GPHN: variants seen among roughly 807,000 people sequenced by gnomAD.
GPHN encodes gephyrin.
Under a neutral mutation model 95.5 loss-of-function variants are expected in GPHN, and 17 were observed. The ratio of observed to expected loss-of-function variants is 0.18; its 90% CI spans 0.12 to 0.27. The LOEUF is 0.27. GPHN is among the 10% of genes least tolerant of loss of function. The pLI, the probability that GPHN is intolerant of heterozygous loss-of-function variation, is 1.00. For missense variants in GPHN, 660 were observed against 978.1 expected (o/e 0.67, Z 4.34); for synonymous variants, 320 against 322.5 (o/e 0.99, Z 0.08).
the GPHN span, chr14:67,359,592 G>C: frequency 6.3e-7 from 1 of 1,575,404 alleles, no homozygotes; most frequent in African/African-American, 1.3e-5. Flanking sequence ...GTGGCCCAGG[G>C]TCTGAAGGGA....
chr14:66,611,826 A>G (rs1015883830), intron 1 of GPHN, among the ~76,000 whole-genome samples: 6 of 152,130 alleles, frequency 3.9e-5, no homozygotes, highest in African/African-American at 1.4e-4. Context: ...CATCATTATC[A>G]GTTAGAGAGA....
At chr14:67,004,649 T>G (rs2072477604) in intron 9 of GPHN, among the ~76,000 whole-genome samples, 2 of 151,712 alleles carry the variant, frequency 1.3e-5, no homozygotes, top group Admixed American at 6.6e-5. Flanking sequence ...TAGTCATGAG[T>G]GAGTTATTTT....
the GPHN span, among the ~76,000 whole-genome samples, chr14:67,513,480 T>C: frequency 6.6e-6 from 1 of 152,194 alleles, no homozygotes; most frequent in African/African-American, 2.4e-5. Context: ...TACCTATAAG[T>C]GGCCAAAATC....
At chr14:66,767,005 T>C (rs1194064503) in intron 2 of GPHN, among the ~76,000 whole-genome samples, 1 of 152,108 alleles carries the variant, frequency 6.6e-6, no homozygotes, top group Non-Finnish European at 1.5e-5. Flanking sequence ...TCCTTGGTCC[T>C]AATCCTCTCC....
At chr14:67,308,607 G>A in the GPHN span, among the ~76,000 whole-genome samples, 3 of 144,442 alleles carry the variant, frequency 2.1e-5, no homozygotes, top group African/African-American at 7.9e-5. Context: ...GTGCAATGGT[G>A]CCATCTTGGC....
intron 3 of GPHN, among the ~76,000 whole-genome samples, chr14:66,798,780 T>A (rs2060246270): frequency 1.3e-5 from 2 of 151,880 alleles, no homozygotes; most frequent in Non-Finnish European, 3.0e-5. Flanking sequence ...TTTGTTTCAT[T>A]GATCTTTGAT....
At chr14:67,303,841 C>T in the GPHN span, among the ~76,000 whole-genome samples, 29 of 151,550 alleles carry the variant, frequency 1.9e-4, no homozygotes, top group Admixed American at 7.2e-4. Flanking sequence ...GATCTTGGCT[C>T]ACTGCAACCT....
chr14:67,504,735 A>G, the GPHN span, among the ~76,000 whole-genome samples: 89 of 152,226 alleles, frequency 5.8e-4, no homozygotes, highest in Middle Eastern at 6.8e-3. Flanking sequence ...AAATACAAAA[A>G]TTATCTGGGC....
the GPHN span, chr14:67,581,084 C>G: frequency 1.6e-6 from 2 of 1,232,038 alleles, no homozygotes; most frequent in Non-Finnish European, 2.4e-6. Flanking sequence ...AGGGCTGCCA[C>G]TGGGTGCCAG....
At chr14:67,323,666 G>T in the GPHN span, 5 of 872,826 alleles carry the variant, frequency 5.7e-6, no homozygotes, top group Non-Finnish European at 8.8e-6. Flanking sequence ...ATTAAATGAT[G>T]CAAATTATTT....
chr14:66,909,366 T>C (rs1238224565), intron 5 of GPHN, among the ~76,000 whole-genome samples: 1 of 151,876 alleles, frequency 6.6e-6, no homozygotes, highest in African/African-American at 2.4e-5. Context: ...AAAATGATAG[T>C]AGAAAAAAGG....
intron 11 of GPHN, among the ~76,000 whole-genome samples, chr14:67,082,536 T>C (rs1359177357): frequency 6.6e-6 from 1 of 152,198 alleles, no homozygotes; most frequent in Admixed American, 6.5e-5. Flanking sequence ...TACTGTGGCT[T>C]CATAATATGT....
chr14:67,410,911 T>TTA, the GPHN span, among the ~76,000 whole-genome samples: 1 of 152,022 alleles, frequency 6.6e-6, no homozygotes. Context: ...CTTGGGAGGC[T>TTA]AAGGTGGGCA....
At chr14:67,282,901 G>GT in the GPHN span, among the ~76,000 whole-genome samples, 1 of 152,052 alleles carries the variant, frequency 6.6e-6, no homozygotes, top group African/African-American at 2.4e-5. Context: ...AGATTTCACT[G>GT]TTTTTGTGTT....
At chr14:67,713,555 G>C in the GPHN span, among the ~76,000 whole-genome samples, 1 of 152,152 alleles carries the variant, frequency 6.6e-6, no homozygotes, top group Non-Finnish European at 1.5e-5. Flanking sequence ...AGCTCATGCT[G>C]GTACCAGGCA....
At chr14:67,224,905 C>A in the GPHN span, 1 of 424,752 alleles carries the variant, frequency 2.4e-6, no homozygotes, top group Non-Finnish European at 4.1e-6. Flanking sequence ...TAAAAGGGAA[C>A]CTGCTTGTGA....
rs371630345 is a variant in GPHN at position 67,100,928 on chromosome 14, T to G, written c.1293+17T>G. ...GGTGAACAGGTGAGATTGATAGGCC[T>G]GAAAGGCACTGAAGATTTCAGCTTC... is the stretch of plus-strand genomic sequence containing the variant. On this transcript the variant is annotated intron_variant, in intron 13 of 22. Transcript: ENST00000478722. The G allele has an allele frequency of 1.4e-6, 2 of 1,449,262 alleles. No homozygotes were observed. The highest frequency in any genetic ancestry group is 1.9e-6 in the Non-Finnish European group (2 of 1,029,340). 89.8% of individuals were successfully genotyped at this position (1,449,262 alleles called of 1,614,324 possible). A position where few individuals can be genotyped will look rare whatever the true frequency, so the allele number is the denominator to read the frequency against.
chr14:66,689,059 A>G (rs1303204988), intron 2 of GPHN, among the ~76,000 whole-genome samples: 2 of 152,180 alleles, frequency 1.3e-5, no homozygotes, highest in African/African-American at 4.8e-5. Context: ...AACTTAAAGT[A>G]TAATTTTTTA....
chr14:67,725,360 C>A, the GPHN span: 1 of 1,184,246 alleles, frequency 8.4e-7, no homozygotes, highest in Non-Finnish European at 1.2e-6. Flanking sequence ...ATCCACCCCA[C>A]TAGACAGGTT....
Sources: gnomAD v4.1 joint callset for allele counts (sites outside exome capture counted in the v4.1 genomes callset) on GRCh38, gnomAD v4.1.1 for gene constraint, MANE v1.5 for transcripts, NCBI Gene and HGNC (gene_info 2026-07-23, HGNC 2026-07-21) for gene names.